Variants in FHIT observed in about 807,000 individuals in gnomAD.
FHIT encodes bis(5'-adenosyl)-triphosphatase.
Under a neutral mutation model 17.9 loss-of-function variants are expected in FHIT, and 19 were observed. The ratio of observed to expected loss-of-function variants is 1.06; its 90% CI spans 0.74 to 1.56. FHIT has a LOEUF of 1.56. Ranked by LOEUF, FHIT falls within the 40% of genes most tolerant of loss-of-function variation. The pLI is 0.00. For missense variants in FHIT, 248 were observed against 189.2 expected (o/e 1.31, Z -1.82); for synonymous variants, 81 against 69.7 (o/e 1.16, Z -0.81).
At chr3:60,016,277 G>C in intron 5 of FHIT, among the ~76,000 whole-genome samples, 1 of 152,174 alleles carries the variant, frequency 6.6e-6, no homozygotes, top group East Asian at 1.9e-4. Flanking sequence ...ATAATCTAGA[G>C]TATAGAGTTT....
At chr3:60,016,235 A>C (rs998925919) in intron 5 of FHIT, among the ~76,000 whole-genome samples, 1 of 152,236 alleles carries the variant, frequency 6.6e-6, no homozygotes, top group African/African-American at 2.4e-5. Flanking sequence ...ATCATGTGTG[A>C]AAACTTGTGG....
intron 7 of FHIT, among the ~76,000 whole-genome samples, chr3:59,972,420 G>C (rs1708226842): frequency 6.6e-6 from 1 of 152,014 alleles, no homozygotes; most frequent in Admixed American, 6.6e-5. Context: ...TGTTTGGCTG[G>C]GAAGGTATCC....
intron 3 of FHIT, among the ~76,000 whole-genome samples, chr3:61,037,994 CT>C (rs1303474994): frequency 6.6e-6 from 1 of 152,186 alleles, no homozygotes; most frequent in African/African-American, 2.4e-5. Context: ...AGGGAAAGTT[CT>C]TTACAGAAAA....
chr3:60,328,173 GT>G (rs372378105), intron 5 of FHIT, among the ~76,000 whole-genome samples: 130,418 of 148,946 alleles, frequency 0.88, 55,975 homozygotes, highest in East Asian at 0.98. Flanking sequence ...TATTGGAAAA[GT>G]TGGAAAGGGC....
At chr3:59,791,175 T>G (rs1271629765) in intron 8 of FHIT, among the ~76,000 whole-genome samples, 1 of 152,228 alleles carries the variant, frequency 6.6e-6, no homozygotes, top group Non-Finnish European at 1.5e-5. Flanking sequence ...CATTTCTAAC[T>G]GGCCTTGGGA....
chr3:60,969,033 T>C (rs576405571), intron 3 of FHIT, among the ~76,000 whole-genome samples: 108 of 152,292 alleles, frequency 7.1e-4, no homozygotes, highest in African/African-American at 1.9e-3. Flanking sequence ...TGTGGATTTA[T>C]TTTCATTTAA....
intron 8 of FHIT, among the ~76,000 whole-genome samples, chr3:59,767,904 A>G (rs1466529360): frequency 6.6e-6 from 1 of 152,194 alleles, no homozygotes; most frequent in Non-Finnish European, 1.5e-5. Context: ...AGCAATACAG[A>G]CTAAATTGAG....
chr3:60,552,265 C>T (rs147574133), intron 4 of FHIT, among the ~76,000 whole-genome samples: 5 of 152,226 alleles, frequency 3.3e-5, no homozygotes, highest in African/African-American at 7.2e-5. Flanking sequence ...CATTTTTGGA[C>T]GTTTGTGAAT....
At chr3:60,097,712 TA>T (rs111325344) in intron 5 of FHIT, among the ~76,000 whole-genome samples, 2 of 151,766 alleles carry the variant, frequency 1.3e-5, no homozygotes, top group South Asian at 2.1e-4. Context: ...TTCTTTTTTT[TA>T]AAATTTTATT....
At chr3:60,692,765 A>G (rs527977395) in intron 4 of FHIT, among the ~76,000 whole-genome samples, 11 of 152,346 alleles carry the variant, frequency 7.2e-5, no homozygotes, top group African/African-American at 2.6e-4. Context: ...AGCCACAGAA[A>G]ACTAATATAT....
intron 3 of FHIT, among the ~76,000 whole-genome samples, chr3:61,032,584 C>A (rs1419447978): frequency 6.6e-6 from 1 of 152,124 alleles, no homozygotes; most frequent in Non-Finnish European, 1.5e-5. Context: ...TTCCCAGAGG[C>A]CAGACATATT....
chr3:60,055,666 T>G (rs1325574226), intron 5 of FHIT, among the ~76,000 whole-genome samples: 1 of 152,182 alleles, frequency 6.6e-6, no homozygotes, highest in Non-Finnish European at 1.5e-5. Flanking sequence ...GCTTTTTGAT[T>G]CCATTCAATC....
At chr3:60,832,067 A>G (rs180858398) in intron 3 of FHIT, among the ~76,000 whole-genome samples, 12 of 152,258 alleles carry the variant, frequency 7.9e-5, no homozygotes, top group Admixed American at 3.9e-4. Flanking sequence ...CTTAGCCCCA[A>G]GTAATAATAA....
intron 5 of FHIT, among the ~76,000 whole-genome samples, chr3:60,300,066 G>A (rs371394315): frequency 3.8e-4 from 57 of 151,984 alleles, no homozygotes; most frequent in African/African-American, 1.3e-3. Flanking sequence ...CAAAAACAAC[G>A]TCTAGGGAAT....
chr3:60,699,671 C>T (rs2041194161), intron 4 of FHIT, among the ~76,000 whole-genome samples: 2 of 129,662 alleles, frequency 1.5e-5, no homozygotes, highest in East Asian at 4.2e-4. Context: ...CACATGTACC[C>T]TAAAACTTAG....
rs577115501 is a variant in FHIT, at chr3:61,201,290, T to C, written c.-212-625A>G. ...TCTTGTTAACTTCAGCTCTCTGTGA[T>C]CAAAACATAAATACTATGCACTGAC... On this transcript the variant is annotated intron_variant, in intron 1 of 9. Coordinates refer to ENST00000492590, the MANE Select transcript of FHIT (RefSeq NM_002012.4). Among the ~76,000 whole-genome samples, 64 of 152,350 alleles carry C rather than the reference T, an allele frequency of 4.2e-4. 2 individuals carry two copies. Among genetic ancestry groups the C allele is most frequent in the African/African-American group, 1.5e-3 (62 of 41,578 alleles).
Position 60,254,554 on chromosome 3 carries a change from T to C in FHIT, c.104-240402A>G, listed in dbSNP as rs541171822. 6.4e-4 allele frequency among the ~76,000 whole-genome samples: 97 copies of C among 152,296 alleles called. 1 individual carries two copies. Among genetic ancestry groups the C allele is most frequent in the Middle Eastern group, 6.8e-3 (2 of 294 alleles). ...TTCTATTCCTCTAACAAAATATAAC[T>C]AAAAGGGTTTGAAAAGTCATCGGCC... On this transcript the variant is annotated intron_variant, in intron 5 of 9. Coordinates refer to ENST00000492590, the MANE Select transcript of FHIT (RefSeq NM_002012.4).
chr3:60,680,384 T>A (rs79447981), intron 4 of FHIT, among the ~76,000 whole-genome samples: 1 of 152,160 alleles, frequency 6.6e-6, no homozygotes, highest in Non-Finnish European at 1.5e-5. Context: ...CCTTAGTTAT[T>A]TTTCTATTGA....
chr3:60,532,189 T>C (rs2035811558), intron 5 of FHIT, among the ~76,000 whole-genome samples: 2 of 152,216 alleles, frequency 1.3e-5, no homozygotes, highest in Admixed American at 1.3e-4. Context: ...TTACACACCC[T>C]ATTCAATTCA....
Sources: allele counts gnomAD v4.1 joint callset (sites outside exome capture counted in the v4.1 genomes callset), GRCh38; gene constraint gnomAD v4.1.1; transcripts MANE v1.5; gene names NCBI Gene and HGNC (gene_info 2026-07-23, HGNC 2026-07-21).